Variants in PID1 observed in about 807,000 individuals in gnomAD.
PID1 encodes PTB-containing, cubilin and LRP1-interacting protein.
Under a neutral mutation model 19.1 loss-of-function variants are expected in PID1, and 10 were observed. The ratio of observed to expected loss-of-function variants is 0.52; its 90% confidence interval spans 0.32 to 0.89. The LOEUF is 0.89. PID1 is among the 40% of genes least tolerant of loss of function. The probability of loss-of-function intolerance (pLI) is 0.03; values close to 1 mark genes in which losing one functional copy is unlikely to be tolerated. For missense variants in PID1, 248 were observed against 285.3 expected (o/e 0.87, Z 0.94); for synonymous variants, 130 against 116.0 (o/e 1.12, Z -0.78).
At chr2:229,056,288 T>G (rs1165277021) in intron 2 of PID1, among the ~76,000 whole-genome samples, 1 of 152,158 alleles carries the variant, frequency 6.6e-6, no homozygotes, top group Non-Finnish European at 1.5e-5. Flanking sequence ...CCCTTGCCAT[T>G]TACGGTCACG....
chr2:229,119,344 G>A (rs1444225636), intron 2 of PID1, among the ~76,000 whole-genome samples: 4 of 152,108 alleles, frequency 2.6e-5, no homozygotes, highest in African/African-American at 7.2e-5. Context: ...GATCCCCATC[G>A]AAGTCTGTGT....
At chr2:229,144,393 C>G (rs945571106) in intron 2 of PID1, among the ~76,000 whole-genome samples, 3 of 152,030 alleles carry the variant, frequency 2.0e-5, no homozygotes, top group African/African-American at 7.2e-5. Context: ...GTCATATAAC[C>G]GGGTAGCTGG....
chr2:229,088,486 T>G (rs1315671879), intron 2 of PID1, among the ~76,000 whole-genome samples: 1 of 151,882 alleles, frequency 6.6e-6, no homozygotes, highest in Non-Finnish European at 1.5e-5. Context: ...GGCAATGGAG[T>G]ATTCATGATG....
At position 229,213,665 on chromosome 2, in the gene PID1, T is replaced by A. The variant is rs555038694; in HGVS notation, c.30+57349A>T. Among the ~76,000 whole-genome samples the A allele has an allele frequency of 3.7e-4, 57 of 152,322 alleles. 1 individual carries two copies. The South Asian group carries it at 4.8e-3, about 13-fold the overall frequency. On this transcript the variant is annotated intron_variant, in intron 1 of 2. Coordinates refer to ENST00000392055, the MANE Select transcript of PID1 (RefSeq NM_001100818.2). ...TTCCCAAAATTCTTTAAGTCATATA[T>A]CCCTGTGCCTCTCAAAGGTAAACAT... is the stretch of plus-strand genomic sequence containing the variant.
chr2:229,093,165 C>T (rs1261261664), intron 2 of PID1, among the ~76,000 whole-genome samples: 1 of 146,566 alleles, frequency 6.8e-6, no homozygotes, highest in Non-Finnish European at 1.5e-5. Context: ...TGGAGTCTCG[C>T]TCTGTCACCC....
intron 2 of PID1, among the ~76,000 whole-genome samples, chr2:229,047,392 A>G (rs1174418364): frequency 6.6e-6 from 1 of 152,198 alleles, no homozygotes; most frequent in Non-Finnish European, 1.5e-5. Context: ...TCCCACAGTA[A>G]GATTGAAACA....
chr2:229,035,978 T>C (rs796566952), intron 2 of PID1, among the ~76,000 whole-genome samples: 2 of 152,296 alleles, frequency 1.3e-5, no homozygotes, highest in African/African-American at 4.8e-5. Flanking sequence ...TAGTTAATAT[T>C]CAGACATCAT....
chr2:229,190,125 C>T (rs777266414), intron 1 of PID1, among the ~76,000 whole-genome samples: 2 of 152,128 alleles, frequency 1.3e-5, no homozygotes, highest in African/African-American at 2.4e-5. Flanking sequence ...TTTATTGTTT[C>T]CTTCTGGTTA....
intron 2 of PID1, among the ~76,000 whole-genome samples, chr2:229,067,414 C>G (rs1034295909): frequency 6.6e-6 from 1 of 152,134 alleles, no homozygotes; most frequent in South Asian, 2.1e-4. Context: ...CAGGTACAGA[C>G]AAGTAAGGGA....
chr2:229,188,509 G>A (rs554222694), intron 1 of PID1, among the ~76,000 whole-genome samples: 23 of 152,034 alleles, frequency 1.5e-4, no homozygotes, highest in African/African-American at 2.4e-4. Context: ...AGGCTGAGGC[G>A]GGTGGATCAC....
At chr2:229,248,105 A>G (rs1188362668) in intron 1 of PID1, among the ~76,000 whole-genome samples, 3 of 152,146 alleles carry the variant, frequency 2.0e-5, no homozygotes, top group Non-Finnish European at 2.9e-5. Flanking sequence ...CCTAAGAACA[A>G]GAACATTCTC....
chr2:229,260,784 C>T (rs1690439855), intron 1 of PID1, among the ~76,000 whole-genome samples: 1 of 147,572 alleles, frequency 6.8e-6, no homozygotes, highest in African/African-American at 2.5e-5. Context: ...GTAGACATGA[C>T]ATGGAGCAGA....
At chr2:229,133,623 A>C (rs1689790013) in intron 2 of PID1, among the ~76,000 whole-genome samples, 1 of 152,230 alleles carries the variant, frequency 6.6e-6, no homozygotes, top group Admixed American at 6.5e-5. Context: ...ACCTGAAAGT[A>C]AATTAATTCT....
At chr2:229,057,986 A>G (rs953180260) in intron 2 of PID1, among the ~76,000 whole-genome samples, 1 of 152,212 alleles carries the variant, frequency 6.6e-6, no homozygotes, top group African/African-American at 2.4e-5. Context: ...AGAAATGCAA[A>G]GCCTTTCTTC....
chr2:229,091,476 G>A (rs946397266), intron 2 of PID1, among the ~76,000 whole-genome samples: 18 of 152,000 alleles, frequency 1.2e-4, no homozygotes, highest in African/African-American at 4.1e-4. Context: ...CCTAACCCCC[G>A]AAGTGACGGT....
chr2:229,165,816 C>G (rs150173296), intron 1 of PID1, among the ~76,000 whole-genome samples: 1 of 152,112 alleles, frequency 6.6e-6, no homozygotes, highest in East Asian at 1.9e-4. Context: ...GTAAAATTGT[C>G]TTTATTCATA....
intron 1 of PID1, among the ~76,000 whole-genome samples, chr2:229,170,220 G>T (rs1164381876): frequency 6.6e-6 from 1 of 152,194 alleles, no homozygotes; most frequent in Non-Finnish European, 1.5e-5. Context: ...GTGTATGTGT[G>T]TGTGTTTGAG....
chr2:229,208,416 CAT>C (rs559364749), intron 1 of PID1, among the ~76,000 whole-genome samples: 29 of 152,316 alleles, frequency 1.9e-4, no homozygotes, highest in African/African-American at 6.5e-4. Flanking sequence ...CAAAAAGAAA[CAT>C]ATATCCCTGC....
chr2:229,158,072 C>T (rs1056451678), intron 1 of PID1, among the ~76,000 whole-genome samples: 1 of 152,198 alleles, frequency 6.6e-6, no homozygotes, highest in Non-Finnish European at 1.5e-5. Context: ...TCTATGATCC[C>T]ACCCTTACAT....
Sources: gnomAD v4.1 joint callset for allele counts (sites outside exome capture counted in the v4.1 genomes callset) on GRCh38, gnomAD v4.1.1 for gene constraint, MANE v1.5 for transcripts, NCBI Gene and HGNC (gene_info 2026-07-23, HGNC 2026-07-21) for gene names.